GPC5: variants seen among roughly 807,000 people sequenced by gnomAD.
GPC5 encodes glypican-5.
A neutral mutation model predicts 53.9 loss-of-function variants in GPC5; 47 were observed. That is an observed-to-expected ratio of 0.87 (90% CI 0.69 to 1.11). The LOEUF is 1.11. GPC5 is among the 50% of genes most tolerant of loss of function. The pLI, the probability that GPC5 is intolerant of heterozygous loss-of-function variation, is 0.00. For missense variants in GPC5, 748 were observed against 713.1 expected (o/e 1.05, Z -0.56); for synonymous variants, 286 against 263.3 (o/e 1.09, Z -0.84).
chr13:92,285,491 T>C (rs976146874), intron 7 of GPC5, among the ~76,000 whole-genome samples: 4 of 152,120 alleles, frequency 2.6e-5, no homozygotes, highest in African/African-American at 7.2e-5. Flanking sequence ...CTTCAAACTA[T>C]ACTACAATGC....
chr13:92,276,290 T>TTAAA (rs2042875219), intron 7 of GPC5, among the ~76,000 whole-genome samples: 2 of 152,130 alleles, frequency 1.3e-5, no homozygotes, highest in African/African-American at 4.8e-5. Flanking sequence ...TAAACTGCAA[T>TTAAA]AATTTGTGAT....
rs147466041 is a variant in GPC5, at chr13:92,063,330, A to G, written c.1402-81500A>G. On this transcript the variant is annotated intron_variant, in intron 6 of 7. Coordinates refer to ENST00000377067, the MANE Select transcript of GPC5 (RefSeq NM_004466.6). The stretch of plus-strand genomic sequence containing the variant: ...ATTAATACTCTTACTTTTATTTCTT[A>G]CTAACTTAAAATGTCATGGTGAAGT... Among the ~76,000 whole-genome samples, 78 of 152,248 alleles carry G rather than the reference A, an allele frequency of 5.1e-4. 1 individual carries two copies. The Middle Eastern group carries it at 0.017, about 33-fold the overall frequency.
intron 2 of GPC5, among the ~76,000 whole-genome samples, chr13:91,632,679 A>G (rs2034188617): frequency 6.6e-6 from 1 of 152,104 alleles, no homozygotes. Context: ...AACAGTAGAG[A>G]GAAAAGATAT....
chr13:92,803,096 ATTTG>A (rs919813509), intron 7 of GPC5, among the ~76,000 whole-genome samples: 6 of 151,940 alleles, frequency 3.9e-5, no homozygotes, highest in Non-Finnish European at 5.9e-5. Context: ...AAATGCTGTC[ATTTG>A]TTTGTTTAAC....
At chr13:91,765,508 T>G (rs2037504965) in intron 5 of GPC5, among the ~76,000 whole-genome samples, 1 of 152,152 alleles carries the variant, frequency 6.6e-6, no homozygotes, top group Non-Finnish European at 1.5e-5. Context: ...TACTTGGAAG[T>G]GGTGCAGAGA....
Position 92,372,588 on chromosome 13 carries a change from C to A in GPC5, c.1561+227599C>A, listed in dbSNP as rs990353844. Among the ~76,000 whole-genome samples the A allele has an allele frequency of 5.9e-5, 9 of 152,124 alleles. No individual in the cohort carries two copies. The East Asian group carries it at 1.7e-3, about 29-fold the overall frequency. On this transcript the variant is annotated intron_variant, in intron 7 of 7. Coordinates refer to ENST00000377067, the MANE Select transcript of GPC5 (RefSeq NM_004466.6). ...ATTTTTCATTCGTTGGATTCCACTT[C>A]CCTTTACTGAAAATATTTGAGGTGG... is the stretch of plus-strand genomic sequence containing the variant.
intron 2 of GPC5, among the ~76,000 whole-genome samples, chr13:91,680,717 G>T (rs1325298363): frequency 6.6e-6 from 1 of 152,152 alleles, no homozygotes; most frequent in East Asian, 1.9e-4. Flanking sequence ...GGCTGCCTTT[G>T]TCAACTGCAT....
intron 6 of GPC5, among the ~76,000 whole-genome samples, chr13:92,051,203 T>TC (rs2041024963): frequency 7.0e-6 from 1 of 142,636 alleles, no homozygotes; most frequent in Non-Finnish European, 1.5e-5. Flanking sequence ...TTTTTTCTTT[T>TC]TTTTTTTTTT....
chr13:92,337,110 A>G (rs1018644314), intron 7 of GPC5, among the ~76,000 whole-genome samples: 2 of 152,068 alleles, frequency 1.3e-5, no homozygotes, highest in Non-Finnish European at 2.9e-5. Context: ...AGACACAGTC[A>G]GACGATACCA....
chr13:91,478,155 G>A (rs768039466), intron 2 of GPC5, among the ~76,000 whole-genome samples: 2 of 150,264 alleles, frequency 1.3e-5, no homozygotes, highest in East Asian at 3.9e-4. Context: ...TCTTTAAAAT[G>A]CATAAAACTT....
At chr13:91,849,354 C>G (rs1230468471) in intron 5 of GPC5, among the ~76,000 whole-genome samples, 1 of 152,184 alleles carries the variant, frequency 6.6e-6, no homozygotes, top group African/African-American at 2.4e-5. Flanking sequence ...CCTCCCTCAC[C>G]AGGCTGCCTT....
Position 91,525,789 on chromosome 13 carries a change from G to A in GPC5, c.325+76867G>A, listed in dbSNP as rs148440858. ...GTAGTGTTTTTCTAACAATAATGTC[G>A]CACTTAGCAGTTATCATAAAATTGG... On this transcript the variant is annotated intron_variant, in intron 2 of 7. Transcript: ENST00000377067. Among the ~76,000 whole-genome samples the A allele has an allele frequency of 3.8e-3, 579 of 152,102 alleles. 4 individuals are homozygous for A. The highest frequency in any genetic ancestry group is 0.01 in the African/African-American group (419 of 41,498).
At chr13:91,704,196 G>T (rs2036050375) in intron 3 of GPC5, among the ~76,000 whole-genome samples, 2 of 151,954 alleles carry the variant, frequency 1.3e-5, no homozygotes, top group Admixed American at 1.3e-4. Context: ...ATACATATTT[G>T]CAATTCTTAT....
intron 5 of GPC5, among the ~76,000 whole-genome samples, chr13:91,768,578 T>C (rs981847741): frequency 3.3e-5 from 5 of 152,140 alleles, no homozygotes; most frequent in African/African-American, 1.2e-4. Context: ...AGAAATGAAA[T>C]ATTCAGAAAA....
At chr13:92,517,201 C>G (rs1405198326) in intron 7 of GPC5, among the ~76,000 whole-genome samples, 4 of 152,150 alleles carry the variant, frequency 2.6e-5, no homozygotes, top group Admixed American at 1.3e-4. Flanking sequence ...TGGGCAGAGC[C>G]CACTGCAGCT....
At chr13:92,021,005 A>G (rs7333081) in intron 6 of GPC5, among the ~76,000 whole-genome samples, 134,738 of 152,082 alleles carry the variant, frequency 0.89, 60,490 homozygotes, top group East Asian at 1. Flanking sequence ...TGTGTACGCC[A>G]TAAAATAAGG....
chr13:92,619,420 T>C (rs1386922842), intron 7 of GPC5, among the ~76,000 whole-genome samples: 1 of 151,982 alleles, frequency 6.6e-6, no homozygotes, highest in Non-Finnish European at 1.5e-5. Flanking sequence ...ATGAAGTAAC[T>C]CGCCAATTAT....
At chr13:92,747,458 T>C (rs1356339884) in intron 7 of GPC5, among the ~76,000 whole-genome samples, 1 of 152,182 alleles carries the variant, frequency 6.6e-6, no homozygotes, top group Non-Finnish European at 1.5e-5. Context: ...AGTCATTTTA[T>C]GTTTTAAGGA....
At chr13:91,494,039 A>ATT (rs201082143) in intron 2 of GPC5, among the ~76,000 whole-genome samples, 13 of 151,196 alleles carry the variant, frequency 8.6e-5, no homozygotes, top group African/African-American at 2.0e-4. Context: ...ACACCCGGCT[A>ATT]ATTTTTTTTT....
Sources: gnomAD v4.1 joint callset for allele counts (sites outside exome capture counted in the v4.1 genomes callset) on GRCh38, gnomAD v4.1.1 for gene constraint, MANE v1.5 for transcripts, NCBI Gene and HGNC (gene_info 2026-07-23, HGNC 2026-07-21) for gene names.